SEMA3A: variants seen among roughly 807,000 people sequenced by gnomAD.
The protein encoded by SEMA3A is semaphorin 3A, also known as semaphorin-3A.
In SEMA3A, 29 loss-of-function variants were observed where a neutral mutation model predicts 97.9. That is an observed-to-expected ratio of 0.30 (90% CI 0.22 to 0.40). SEMA3A has a LOEUF of 0.40. Ranked by LOEUF, SEMA3A falls within the 10% of genes least tolerant of loss-of-function variation. The probability of loss-of-function intolerance (pLI) is 1.00; values close to 1 mark genes in which losing one functional copy is unlikely to be tolerated. For synonymous variants in SEMA3A, 321 were observed against 323.7 expected (o/e 0.99, Z 0.09); for missense variants, 763 against 951.3 (o/e 0.80, Z 2.60).
chr7:84,359,711 T>C (rs528955268), intron 2 of SEMA3A, among the ~76,000 whole-genome samples: 3 of 152,312 alleles, frequency 2.0e-5, no homozygotes, highest in Non-Finnish European at 4.4e-5. Flanking sequence ...TCAGAAGGAA[T>C]GGGAGGAGCT....
At chr7:84,221,129 G>T (rs1337980719) in intron 3 of SEMA3A, among the ~76,000 whole-genome samples, 1 of 152,050 alleles carries the variant, frequency 6.6e-6, no homozygotes, top group Non-Finnish European at 1.5e-5. Flanking sequence ...GCTTCACCTT[G>T]CACTTTTATT....
chr7:84,226,805 T>C (rs761721203), intron 3 of SEMA3A, among the ~76,000 whole-genome samples: 5 of 152,096 alleles, frequency 3.3e-5, no homozygotes, highest in Non-Finnish European at 5.9e-5. Context: ...TTCAAAAACA[T>C]CTAGTAGAAA....
At chr7:84,039,961 G>A (rs1387972162) in intron 6 of SEMA3A, among the ~76,000 whole-genome samples, 3 of 151,594 alleles carry the variant, frequency 2.0e-5, no homozygotes, top group African/African-American at 7.3e-5. Flanking sequence ...CATTTTATAG[G>A]GCATCTGAGA....
chr7:84,437,528 A>G (rs1191459356), intron 1 of SEMA3A, among the ~76,000 whole-genome samples: 1 of 150,276 alleles, frequency 6.7e-6, no homozygotes, highest in Non-Finnish European at 1.5e-5. Flanking sequence ...TTAAAACATA[A>G]TCTCATGCCT....
chr7:83,995,987 G>T (rs1381054397), intron 12 of SEMA3A, among the ~76,000 whole-genome samples: 1 of 152,084 alleles, frequency 6.6e-6, no homozygotes, highest in Non-Finnish European at 1.5e-5. Flanking sequence ...GCATAAATTG[G>T]GTTTAAAATA....
intron 1 of SEMA3A, among the ~76,000 whole-genome samples, chr7:84,431,378 G>A (rs1804976265): frequency 6.6e-6 from 1 of 152,082 alleles, no homozygotes; most frequent in East Asian, 1.9e-4. Context: ...GCTATTTGAT[G>A]TTTAAGGGAT....
At chr7:84,368,762 G>A (rs1284875907) in intron 2 of SEMA3A, among the ~76,000 whole-genome samples, 2 of 150,734 alleles carry the variant, frequency 1.3e-5, no homozygotes, top group East Asian at 1.9e-4. Flanking sequence ...TATAGCAAGT[G>A]TGTATGTATA....
chr7:84,278,130 AT>A (rs2115731012), intron 3 of SEMA3A, among the ~76,000 whole-genome samples: 1 of 152,256 alleles, frequency 6.6e-6, no homozygotes, highest in South Asian at 2.1e-4. Flanking sequence ...TCCAACAGAT[AT>A]CCTAAATAAT....
intron 5 of SEMA3A, among the ~76,000 whole-genome samples, chr7:84,050,595 G>C (rs1422966133): frequency 6.6e-6 from 1 of 152,046 alleles, no homozygotes; most frequent in East Asian, 1.9e-4. Context: ...GTTCATTGTA[G>C]ATTCTGGATA....
At chr7:84,362,927 C>T (rs1365098528) in intron 2 of SEMA3A, among the ~76,000 whole-genome samples, 9 of 151,844 alleles carry the variant, frequency 5.9e-5, no homozygotes, top group Admixed American at 3.9e-4. Flanking sequence ...ATTCATTGAT[C>T]CAAGTTTGGA....
intron 5 of SEMA3A, among the ~76,000 whole-genome samples, chr7:84,055,318 C>T (rs28709673): frequency 0.069 from 10,460 of 151,920 alleles, 1,212 homozygotes; most frequent in African/African-American, 0.24. Flanking sequence ...TGCGGCCTTG[C>T]AGTTTGATCT....
At chr7:84,052,576 A>C (rs558648119) in intron 5 of SEMA3A, among the ~76,000 whole-genome samples, 1 of 151,440 alleles carries the variant, frequency 6.6e-6, no homozygotes, top group Non-Finnish European at 1.5e-5. Context: ...GTCATTTTTT[A>C]TTGTGTCTAT....
At chr7:84,321,534 T>C (rs2115909993) in intron 2 of SEMA3A, among the ~76,000 whole-genome samples, 1 of 152,266 alleles carries the variant, frequency 6.6e-6, no homozygotes, top group Non-Finnish European at 1.5e-5. Context: ...AGTTTAATTG[T>C]ATGTAAAATG....
intron 1 of SEMA3A, among the ~76,000 whole-genome samples, chr7:84,443,805 A>T (rs1277420147): frequency 2.0e-5 from 3 of 150,492 alleles, no homozygotes; most frequent in African/African-American, 7.3e-5. Context: ...TCTTACCATG[A>T]TCTTTGCTCT....
chr7:84,084,441 A>G (rs1422218808), intron 4 of SEMA3A, among the ~76,000 whole-genome samples: 1 of 152,070 alleles, frequency 6.6e-6, no homozygotes, highest in Non-Finnish European at 1.5e-5. Context: ...TTGTAATTCT[A>G]TTCAAGGAGT....
At chr7:84,186,341 T>C (rs1202775936) in intron 1 of SEMA3A, among the ~76,000 whole-genome samples, 1 of 152,178 alleles carries the variant, frequency 6.6e-6, no homozygotes, top group East Asian at 1.9e-4. Context: ...TATGTGTCTA[T>C]TTTATACATA....
At chr7:84,208,126 CT>C (rs1395992332) in intron 3 of SEMA3A, among the ~76,000 whole-genome samples, 2 of 151,936 alleles carry the variant, frequency 1.3e-5, no homozygotes, top group African/African-American at 4.8e-5. Flanking sequence ...AGTTATTAAA[CT>C]TTTGTACCAG....
intron 5 of SEMA3A, 40 bp downstream of exon 5, chr7:84,060,425 T>C: frequency 7.8e-7 from 1 of 1,275,466 alleles, no homozygotes; most frequent in Non-Finnish European, 1.1e-6. Context: ...GTTTGTTATT[T>C]ATAGAAAACT....
In SEMA3A at chr7:84,003,690, G is replaced by A. The variant is rs182741766; in HGVS notation, c.1361-1644C>T. ...GACTTCTCAATACATTTAAGCCAGA[G>A]GTGAAGAAAAAGGCAAGTGTGACAT... is the stretch of plus-strand genomic sequence containing the variant. On this transcript the variant is annotated intron_variant, in intron 11 of 16. Transcript: ENST00000265362. 3.6e-3 allele frequency among the ~76,000 whole-genome samples: 541 copies of A among 152,166 alleles called. 5 individuals carry two copies. The highest frequency in any genetic ancestry group is 0.013 in the African/African-American group (527 of 41,558).
Sources: allele counts gnomAD v4.1 joint callset (sites outside exome capture counted in the v4.1 genomes callset), GRCh38; gene constraint gnomAD v4.1.1; transcripts MANE v1.5; gene names NCBI Gene and HGNC (gene_info 2026-07-23, HGNC 2026-07-21).